PAFAH1B1: variants seen among roughly 807,000 people sequenced by gnomAD.
The protein encoded by PAFAH1B1 is platelet-activating factor acetylhydrolase IB subunit beta.
A neutral mutation model predicts 57.5 loss-of-function variants in PAFAH1B1; 2 were observed. The ratio of observed to expected loss-of-function variants is 0.03; its 90% confidence interval spans 0.01 to 0.11. PAFAH1B1 has a LOEUF of 0.11. Among genes scored for constraint, PAFAH1B1 ranks in the 10% least tolerant of loss-of-function variants. The pLI is 1.00. For synonymous variants in PAFAH1B1, 152 were observed against 169.6 expected, an observed-to-expected ratio of 0.90 and a Z score of 0.81; for missense variants, 257 against 512.0, an observed-to-expected ratio of 0.50 and a Z score of 4.81.
chr17:2,608,918 AT>A (rs933719024), intron 1 of PAFAH1B1, among the ~76,000 whole-genome samples: 2 of 152,194 alleles, frequency 1.3e-5, no homozygotes, highest in African/African-American at 4.8e-5. Context: ...CCTAAACTTC[AT>A]TCTGTTTTCT....
chr17:2,650,074 ACTT>A (rs1477754102), intron 2 of PAFAH1B1, among the ~76,000 whole-genome samples: 1 of 152,144 alleles, frequency 6.6e-6, no homozygotes, highest in African/African-American at 2.4e-5. Flanking sequence ...AAAATAGAAA[ACTT>A]CTGTGTGAAG....
intron 2 of PAFAH1B1, among the ~76,000 whole-genome samples, chr17:2,656,279 C>T (rs1007886803): frequency 1.3e-5 from 2 of 151,992 alleles, no homozygotes; most frequent in Non-Finnish European, 2.9e-5. Context: ...TATTGAGACC[C>T]TATCTCTACT....
At chr17:2,605,435 G>A (rs2068193698) in intron 1 of PAFAH1B1, among the ~76,000 whole-genome samples, 1 of 152,144 alleles carries the variant, frequency 6.6e-6, no homozygotes, top group South Asian at 2.1e-4. Context: ...TAATGAAAAT[G>A]CAAAGAACAC....
chr17:2,644,152 C>G (rs995957259), intron 2 of PAFAH1B1, among the ~76,000 whole-genome samples: 1 of 151,734 alleles, frequency 6.6e-6, no homozygotes, highest in African/African-American at 2.4e-5. Flanking sequence ...AGCCACTGAG[C>G]CTCTCTTGCT....
chr17:2,673,896 C>T (rs2151667629), intron 7 of PAFAH1B1, 164 bp from the exon 8 acceptor site: 1 of 622,856 alleles, frequency 1.6e-6, no homozygotes, highest in Non-Finnish European at 3.0e-6. Flanking sequence ...TGTCTGTTAG[C>T]TTATTGTTCC....
In PAFAH1B1 at chr17:2,670,241, C is replaced by G; in HGVS notation, c.478C>G (p.His160Asp). ...TDSVQDISFD[H>D]SGKLLASCSA... ...CTCTGTACAGGACATTTCATTCGAC[C>G]ACAGCGGCAAGCTTCTGGCTTCCTG... Residue 160 changes from histidine to aspartate, a missense_variant, in exon 6 of 11, where the codon CAC becomes GAC. By Grantham distance (81) the His-to-Asp change is moderately conservative. Transcript: ENST00000397195. 6.2e-7 allele frequency: 1 copy of G among 1,614,052 alleles called. No individual in the cohort carries two copies. Among genetic ancestry groups the G allele is most frequent in the East Asian group, 2.2e-5 (1 of 44,874 alleles).
intron 9 of PAFAH1B1, among the ~76,000 whole-genome samples, chr17:2,676,939 G>A (rs2069277801): frequency 6.6e-6 from 1 of 152,154 alleles, no homozygotes; most frequent in African/African-American, 2.4e-5. Flanking sequence ...GAGGCGGGTG[G>A]ATCACGAGGT....
chr17:2,680,795 A>C, intron 10 of PAFAH1B1: 1 of 224,010 alleles, frequency 4.5e-6, no homozygotes, highest in Non-Finnish European at 9.1e-6. Context: ...AAATGCACTA[A>C]AGTATAATGG....
At position 2,683,322 on chromosome 17, in the gene PAFAH1B1, G is replaced by C. The variant is rs2069415097; in HGVS notation, c.*1520G>C. ...ACCAACAGGTTTTTTTTGTTTCCAA[G>C]AGAGTTATTTGAAAAGTTAACAGAA... On this transcript the variant is annotated 3_prime_UTR_variant, in exon 11 of 11. Transcript: ENST00000397195. 1 of 152,032 alleles carries C rather than the reference G, an allele frequency of 6.6e-6. No individual in the cohort carries two copies. Among genetic ancestry groups the C allele is most frequent in the South Asian group, 2.1e-4 (1 of 4,826 alleles). 9.4% of individuals were successfully genotyped at this position (152,032 alleles called of 1,614,324 possible).
At chr17:2,617,469 CA>C (rs2068359776) in intron 1 of PAFAH1B1, among the ~76,000 whole-genome samples, 1 of 152,242 alleles carries the variant, frequency 6.6e-6, no homozygotes, top group East Asian at 1.9e-4. Context: ...TTCAGTGAAC[CA>C]TACCTGAGCA....
rs10582467 is a variant in PAFAH1B1, at chr17:2,650,639, C to CAA, written c.32+12339_32+12340dup. Among the ~76,000 whole-genome samples the CAA allele has an allele frequency of 4.4e-4, 48 of 108,820 alleles. 1 individual carries two copies. Among genetic ancestry groups the CAA allele is most frequent in the Middle Eastern group, 4.3e-3 (1 of 234 alleles). The allele number at this position is 108,820 out of a possible 152,430, so 71.4% of individuals were successfully genotyped here. A position where few individuals can be genotyped will look rare whatever the true frequency, so the allele number is the denominator to read the frequency against. On this transcript the variant is annotated intron_variant, in intron 2 of 10. Transcript: ENST00000397195. Reference sequence around the variant, plus strand: ...TGGGTGACAGAGCAAGACTCTGTCTCAAAAAAAAAAAAAAAAAAAAAGGAA... The same window carrying CAA: ...TGGGTGACAGAGCAAGACTCTGTCTCAAAAAAAAAAAAAAAAAAAAAAAGGAA...
intron 1 of PAFAH1B1, 112 bp from the exon 2 acceptor site, chr17:2,637,987 A>G: frequency 2.3e-6 from 1 of 441,058 alleles, no homozygotes; most frequent in Non-Finnish European, 4.0e-6. Context: ...ATCATCTAAT[A>G]TTTATACTAA....
At position 2,685,436 on chromosome 17, in the gene PAFAH1B1, C is replaced by CA. The variant is rs1179923633; in HGVS notation, c.*3635dup. ...ACAGTTCCCCAGATTGTTAAGAGTT[C>CA]ACTGAAGATATTGACACAATTTTAA... On this transcript the variant is annotated 3_prime_UTR_variant, in exon 11 of 11. Coordinates refer to ENST00000397195, the MANE Select transcript of PAFAH1B1 (RefSeq NM_000430.4). 1.3e-5 allele frequency: 2 copies of CA among 152,476 alleles called. No homozygotes were observed. Among genetic ancestry groups the CA allele is most frequent in the Non-Finnish European group, 2.9e-5 (2 of 68,030 alleles). 9.4% of individuals were successfully genotyped at this position (152,476 alleles called of 1,614,324 possible). A position where few individuals can be genotyped will look rare whatever the true frequency, so the allele number is the denominator to read the frequency against.
intron 1 of PAFAH1B1, among the ~76,000 whole-genome samples, chr17:2,598,550 A>G (rs753916007): frequency 1.3e-5 from 2 of 152,002 alleles, no homozygotes; most frequent in Non-Finnish European, 2.9e-5. Context: ...TTTGAAGTGG[A>G]AATTCTTTGC....
At chr17:2,594,345 G>A (rs2151604183) in intron 1 of PAFAH1B1, among the ~76,000 whole-genome samples, 2 of 152,304 alleles carry the variant, frequency 1.3e-5, no homozygotes, top group South Asian at 4.1e-4. Flanking sequence ...CTCCTCCCTC[G>A]GTGACTTAGC....
chr17:2,676,146 G>A (rs1172192157), intron 8 of PAFAH1B1, among the ~76,000 whole-genome samples: 15 of 152,202 alleles, frequency 9.9e-5, no homozygotes, highest in Admixed American at 5.2e-4. Context: ...GGCCGAGGTG[G>A]GCCGATCGAT....
At chr17:2,637,794 TTCGTTTAGAGTTACATG>T (rs2068643000) in intron 1 of PAFAH1B1, among the ~76,000 whole-genome samples, 1 of 152,204 alleles carries the variant, frequency 6.6e-6, no homozygotes, top group South Asian at 2.1e-4. Context: ...GAGAATTACA[TTCGTTTAGAGTTACATG>T]TTAATATTTG....
intron 1 of PAFAH1B1, among the ~76,000 whole-genome samples, chr17:2,615,578 C>T (rs9908515): frequency 0.31 from 47,374 of 151,902 alleles, 7,606 homozygotes; most frequent in Middle Eastern, 0.36. Context: ...GTAGCTGAGA[C>T]TGCAGGGGCC....
intron 1 of PAFAH1B1, among the ~76,000 whole-genome samples, chr17:2,614,466 A>G (rs1189773256): frequency 1.3e-5 from 2 of 152,192 alleles, no homozygotes; most frequent in African/African-American, 2.4e-5. Context: ...GAGAGAACAT[A>G]AGATAGAAAG....
Sources: allele counts gnomAD v4.1 joint callset (sites outside exome capture counted in the v4.1 genomes callset), GRCh38; gene constraint gnomAD v4.1.1; transcripts MANE v1.5; gene names NCBI Gene and HGNC (gene_info 2026-07-23, HGNC 2026-07-21).